SEMA3E: variants seen among roughly 807,000 people sequenced by gnomAD.
SEMA3E encodes the protein semaphorin 3E, also known as semaphorin-3E.
A neutral mutation model predicts 93.6 loss-of-function variants in SEMA3E; 49 were observed. The observed-to-expected ratio is 0.52, with a 90% confidence interval of 0.42 to 0.66. The LOEUF (loss-of-function observed/expected upper bound fraction) is 0.66, where lower values mean the gene tolerates loss of function less well. Ranked by LOEUF, SEMA3E falls within the 30% of genes least tolerant of loss-of-function variation. The pLI is 0.00. For synonymous variants in SEMA3E, 363 were observed against 330.7 expected (o/e 1.10, Z -1.06); for missense variants, 906 against 964.8 (o/e 0.94, Z 0.81).
chr7:83,492,284 G>C (rs907990374), intron 1 of SEMA3E, among the ~76,000 whole-genome samples: 1 of 151,878 alleles, frequency 6.6e-6, no homozygotes, highest in Non-Finnish European at 1.5e-5. Context: ...ATCCAGTAAA[G>C]GAGGTACTCC....
chr7:83,586,917 T>C (rs912925436), intron 1 of SEMA3E, among the ~76,000 whole-genome samples: 1 of 152,116 alleles, frequency 6.6e-6, no homozygotes, highest in Non-Finnish European at 1.5e-5. Context: ...AAGTACACAG[T>C]TTCCTTGTTT....
intron 1 of SEMA3E, among the ~76,000 whole-genome samples, chr7:83,555,068 A>G (rs1420197798): frequency 6.6e-6 from 1 of 152,078 alleles, no homozygotes; most frequent in Non-Finnish European, 1.5e-5. Context: ...ATTTAACTAT[A>G]AGTGCAGGAA....
chr7:83,511,132 T>C (rs554159550), intron 1 of SEMA3E, among the ~76,000 whole-genome samples: 129 of 152,276 alleles, frequency 8.5e-4, no homozygotes, highest in African/African-American at 2.9e-3. Flanking sequence ...CTGTAGTCTG[T>C]AGGGTTTTTA....
rs1554331408 is a variant in SEMA3E at position 83,482,582 on chromosome 7, A to AC, written c.276+7531_276+7532insG. Among the ~76,000 whole-genome samples, 1,279 of 127,948 alleles carry AC rather than the reference A, an allele frequency of 1.0e-2. 13 individuals carry two copies. Among genetic ancestry groups the AC allele is most frequent in the Non-Finnish European group, 0.016 (963 of 58,418 alleles). The allele number at this position is 127,948 out of a possible 152,430, so 83.9% of individuals were successfully genotyped here. On this transcript the variant is annotated intron_variant, in intron 2 of 16. Transcript: ENST00000643230. ...TCCGTCTCAAAAAAAAAAAAAAAAA[A>AC]AAAAAATTTGCAAGAAAGCAGACAG...
At chr7:83,549,261 C>A (rs998343852) in intron 1 of SEMA3E, among the ~76,000 whole-genome samples, 1 of 152,088 alleles carries the variant, frequency 6.6e-6, no homozygotes, top group African/African-American at 2.4e-5. Flanking sequence ...AACGTCTCAA[C>A]AAACTAGCAC....
At chr7:83,430,803 C>A (rs762140816) in intron 4 of SEMA3E, among the ~76,000 whole-genome samples, 3 of 151,974 alleles carry the variant, frequency 2.0e-5, no homozygotes, top group Non-Finnish European at 4.4e-5. Context: ...ATGTAGCAAA[C>A]CTGCACGTTC....
chr7:83,567,697 T>C (rs1792192169), intron 1 of SEMA3E, among the ~76,000 whole-genome samples: 2 of 152,022 alleles, frequency 1.3e-5, no homozygotes. Context: ...TTTTTAAATA[T>C]TATTGAAGCA....
chr7:83,634,316 T>C (rs183349424), intron 1 of SEMA3E, among the ~76,000 whole-genome samples: 123 of 152,342 alleles, frequency 8.1e-4, no homozygotes, highest in Admixed American at 6.5e-4. Context: ...TCATTGGTAA[T>C]GGTTTTTTAG....
chr7:83,573,973 T>A (rs1487003709), intron 1 of SEMA3E, among the ~76,000 whole-genome samples: 1 of 152,058 alleles, frequency 6.6e-6, no homozygotes, highest in Non-Finnish European at 1.5e-5. Context: ...GAGAAAGGCA[T>A]TAAAAATGGA....
At chr7:83,581,101 A>G (rs1246988449) in intron 1 of SEMA3E, among the ~76,000 whole-genome samples, 1 of 151,978 alleles carries the variant, frequency 6.6e-6, no homozygotes, top group Non-Finnish European at 1.5e-5. Flanking sequence ...TCAGAACACA[A>G]AAGTCATTCT....
intron 1 of SEMA3E, among the ~76,000 whole-genome samples, chr7:83,498,194 T>C (rs1392650425): frequency 6.6e-6 from 1 of 152,184 alleles, no homozygotes; most frequent in Non-Finnish European, 1.5e-5. Flanking sequence ...CAGTAAGGTT[T>C]CTGGTCAACA....
At chr7:83,615,887 C>T (rs1409134571) in intron 1 of SEMA3E, among the ~76,000 whole-genome samples, 3 of 152,044 alleles carry the variant, frequency 2.0e-5, no homozygotes. Context: ...GAATCTCTCT[C>T]TCTCTCTCCA....
rs4016317 is a variant in SEMA3E at position 83,507,424 on chromosome 7, CTGTGTGTGTGTGTGTGTGTGTGTGTGTG to C, written c.116-17178_116-17151del. ...GGATTTATCACTTCAAAACAGAACT[CTGTGTGTGTGTGTGTGTGTGTGTGTGTG>C]TGTGTGTGTGTGTGTGTGTGTGAAA... On this transcript the variant is annotated intron_variant, in intron 1 of 16. Coordinates refer to ENST00000643230, the MANE Select transcript of SEMA3E (RefSeq NM_012431.3). Among the ~76,000 whole-genome samples the C allele has an allele frequency of 4.6e-3, 585 of 125,996 alleles. 3 individuals are homozygous for C. Among genetic ancestry groups the C allele is most frequent in the Non-Finnish European group, 7.6e-3 (449 of 59,106 alleles). 82.7% of individuals were successfully genotyped at this position (125,996 alleles called of 152,430 possible). A position where few individuals can be genotyped will look rare whatever the true frequency, so the allele number is the denominator to read the frequency against.
At chr7:83,562,471 T>TATTTATTTA (rs2115839162) in intron 1 of SEMA3E, among the ~76,000 whole-genome samples, 1 of 142,802 alleles carries the variant, frequency 7.0e-6, no homozygotes, top group South Asian at 2.1e-4. Context: ...CCTTTTTATT[T>TATTTATTTA]ATTTATTTAT....
chr7:83,608,223 A>G (rs914537016), intron 1 of SEMA3E, among the ~76,000 whole-genome samples: 1 of 151,962 alleles, frequency 6.6e-6, no homozygotes, highest in African/African-American at 2.4e-5. Context: ...AAAAAAAAGA[A>G]AAAAAAAGAT....
At chr7:83,504,537 T>C (rs1021893181) in intron 1 of SEMA3E, among the ~76,000 whole-genome samples, 3 of 152,222 alleles carry the variant, frequency 2.0e-5, no homozygotes, top group Non-Finnish European at 4.4e-5. Flanking sequence ...GGGTTCTCTT[T>C]AGATGTGGCT....
At chr7:83,406,972 A>T in intron 7 of SEMA3E, 125 bp downstream of exon 7, 1 of 1,115,694 alleles carries the variant, frequency 9.0e-7, no homozygotes, top group East Asian at 2.5e-5. Flanking sequence ...GGTATAGTAA[A>T]TATCAATTGT....
intron 1 of SEMA3E, among the ~76,000 whole-genome samples, chr7:83,495,603 T>C (rs1790475597): frequency 6.6e-6 from 1 of 151,812 alleles, no homozygotes; most frequent in Admixed American, 6.6e-5. Context: ...TGGAAACAAA[T>C]TGTTTTTAAT....
At chr7:83,621,554 A>G (rs1246776747) in intron 1 of SEMA3E, among the ~76,000 whole-genome samples, 1 of 152,244 alleles carries the variant, frequency 6.6e-6, no homozygotes, top group Non-Finnish European at 1.5e-5. Context: ...TCCTAAGTGA[A>G]AAGAACAAAG....
Sources: gnomAD v4.1 joint callset for allele counts (sites outside exome capture counted in the v4.1 genomes callset) on GRCh38, gnomAD v4.1.1 for gene constraint, MANE v1.5 for transcripts, NCBI Gene and HGNC (gene_info 2026-07-23, HGNC 2026-07-21) for gene names.